Variants in SAMD5 observed in about 807,000 individuals in gnomAD.
SAMD5 encodes the protein sterile alpha motif domain-containing protein 5.
SAMD5 carries 13 observed loss-of-function variants against 11.3 expected under a neutral mutation model. The observed-to-expected ratio is 1.15, with a 90% confidence interval of 0.75 to 1.83. The LOEUF (loss-of-function observed/expected upper bound fraction) is 1.83, where lower values mean the gene tolerates loss of function less well. SAMD5 is among the 40% of genes most tolerant of loss of function. The pLI is 0.00. For missense variants in SAMD5, 255 were observed against 239.1 expected (o/e 1.07, Z -0.44); for synonymous variants, 129 against 111.3 (o/e 1.16, Z -1.00).
the SAMD5 span, among the ~76,000 whole-genome samples, chr6:147,879,604 G>A: frequency 6.6e-6 from 1 of 152,326 alleles, no homozygotes; most frequent in Admixed American, 6.5e-5. Context: ...TTGATGGGAT[G>A]TTCATTTGTA....
In SAMD5 at chr6:147,526,332, G is replaced by A. The variant is rs577564642; in HGVS notation, c.459+16945G>A. 1.2e-3 allele frequency among the ~76,000 whole-genome samples: 179 copies of A among 152,316 alleles called. 1 individual carries two copies. Among genetic ancestry groups the A allele is most frequent in the African/African-American group, 4.2e-3 (176 of 41,562 alleles). ...CAAGAATGTGCAAAGCACTGTTGGG[G>A]TGATGCGGGGAATTCAAAGGTGACA... On this transcript the variant is annotated intron_variant, in intron 1 of 1. Transcript: ENST00000367474.
At chr6:147,591,915 A>G (rs1789460444) in intron 1 of SAMD5, among the ~76,000 whole-genome samples, 1 of 152,054 alleles carries the variant, frequency 6.6e-6, no homozygotes, top group Admixed American at 6.5e-5. Context: ...TCCCTCAGCA[A>G]GCAGCTCTTC....
intron 1 of SAMD5, among the ~76,000 whole-genome samples, chr6:147,730,734 C>G (rs1399557676): frequency 6.6e-6 from 1 of 151,850 alleles, no homozygotes; most frequent in African/African-American, 2.4e-5. Context: ...TGGGAGAGAA[C>G]CAAAAAGAGG....
chr6:147,633,785 T>C (rs978073680), intron 1 of SAMD5, among the ~76,000 whole-genome samples: 2 of 152,052 alleles, frequency 1.3e-5, no homozygotes, highest in African/African-American at 4.8e-5. Flanking sequence ...TGTGTGTGTG[T>C]TCAAAGGAGT....
Position 147,732,945 on chromosome 6 carries a change from T to C in SAMD5, c.163-4372T>C, listed in dbSNP as rs143533319. 4.9e-4 allele frequency among the ~76,000 whole-genome samples: 74 copies of C among 152,352 alleles called. No homozygotes were observed. The East Asian group carries it at 9.1e-3, about 19-fold the overall frequency. On this transcript the variant is annotated intron_variant, in intron 1 of 1. Transcript: ENST00000566741. ...TAAATTGTAATTTAACAGGTTGTTT[T>C]TCTTGAAACATGCTAGGTCTGTTAA...
At chr6:147,638,385 A>G (rs1790262799) in intron 1 of SAMD5, among the ~76,000 whole-genome samples, 1 of 152,190 alleles carries the variant, frequency 6.6e-6, no homozygotes, top group South Asian at 2.1e-4. Flanking sequence ...GCCTAAATAT[A>G]TACTTTGGCA....
chr6:147,694,660 C>CA (rs1262452867), intron 1 of SAMD5, among the ~76,000 whole-genome samples: 4 of 151,936 alleles, frequency 2.6e-5, no homozygotes, highest in Non-Finnish European at 5.9e-5. Flanking sequence ...CTACAAAAAA[C>CA]AAAAAAATTA....
chr6:147,649,583 C>T (rs1018026081), intron 1 of SAMD5, among the ~76,000 whole-genome samples: 1 of 152,050 alleles, frequency 6.6e-6, no homozygotes, highest in African/African-American at 2.4e-5. Flanking sequence ...CCTGAGGTCA[C>T]GAGTTCGAGA....
chr6:147,720,538 C>T (rs543554456), intron 1 of SAMD5, among the ~76,000 whole-genome samples: 2 of 151,668 alleles, frequency 1.3e-5, no homozygotes, highest in East Asian at 3.9e-4. Flanking sequence ...TGTGTAGAAA[C>T]GATACCAAAG....
the SAMD5 span, among the ~76,000 whole-genome samples, chr6:147,911,603 C>T: frequency 6.6e-6 from 1 of 152,208 alleles, no homozygotes; most frequent in Non-Finnish European, 1.5e-5. Context: ...CTTAGAAATG[C>T]CTTTCCCTTT....
At chr6:147,729,194 G>A (rs1310486853) in intron 1 of SAMD5, among the ~76,000 whole-genome samples, 1 of 152,134 alleles carries the variant, frequency 6.6e-6, no homozygotes, top group Non-Finnish European at 1.5e-5. Context: ...AGTCATATTG[G>A]ATTAGGGCCC....
At chr6:147,543,651 G>A (rs989404621) in intron 1 of SAMD5, among the ~76,000 whole-genome samples, 8 of 152,162 alleles carry the variant, frequency 5.3e-5, no homozygotes, top group Admixed American at 1.3e-4. Flanking sequence ...CTAAGATATG[G>A]TCTCTAAGGA....
At chr6:147,524,419 G>GTTTTTTT (rs202193174) in intron 1 of SAMD5, among the ~76,000 whole-genome samples, 2 of 148,522 alleles carry the variant, frequency 1.3e-5, no homozygotes, top group Non-Finnish European at 1.5e-5. Context: ...TTTTGTTTTT[G>GTTTTTTT]TTGTTTTTTT....
At chr6:147,598,274 AC>A in intron 1 of SAMD5, among the ~76,000 whole-genome samples, 1 of 151,834 alleles carries the variant, frequency 6.6e-6, no homozygotes. Flanking sequence ...ACATGTGTAC[AC>A]CACCACACCT....
the SAMD5 span, among the ~76,000 whole-genome samples, chr6:147,890,485 A>G: frequency 6.6e-6 from 1 of 151,828 alleles, no homozygotes; most frequent in African/African-American, 2.4e-5. Context: ...CAGCTTCCCA[A>G]GTAGCTGGGA....
intron 1 of SAMD5, among the ~76,000 whole-genome samples, chr6:147,556,779 C>T (rs1412308048): frequency 6.6e-6 from 1 of 152,080 alleles, no homozygotes; most frequent in Non-Finnish European, 1.5e-5. Context: ...GATATAAAAA[C>T]AAAAATACTG....
the SAMD5 span, among the ~76,000 whole-genome samples, chr6:147,767,889 A>G: frequency 6.6e-6 from 1 of 152,230 alleles, no homozygotes; most frequent in Admixed American, 6.5e-5. Flanking sequence ...AATCAAAAAT[A>G]GAAATAAAAG....
At chr6:147,749,172 GTT>G in the SAMD5 span, among the ~76,000 whole-genome samples, 34 of 137,278 alleles carry the variant, frequency 2.5e-4, no homozygotes, top group South Asian at 9.4e-4. Context: ...TTTTTGTTTT[GTT>G]TTTTTTTTTT....
chr6:147,923,843 A>G, the SAMD5 span, among the ~76,000 whole-genome samples: 2 of 152,218 alleles, frequency 1.3e-5, no homozygotes, highest in Admixed American at 6.5e-5. Context: ...AGGAAGGGGC[A>G]GCTGTCACCA....
Sources: allele counts gnomAD v4.1 joint callset (sites outside exome capture counted in the v4.1 genomes callset), GRCh38; gene constraint gnomAD v4.1.1; transcripts MANE v1.5; gene names NCBI Gene and HGNC (gene_info 2026-07-23, HGNC 2026-07-21).